EFCAB14: variants seen among roughly 807,000 people sequenced by gnomAD.
The protein encoded by EFCAB14 is EF-hand calcium binding domain 14.
A neutral mutation model predicts 56.5 loss-of-function variants in EFCAB14; 43 were observed. The ratio of observed to expected loss-of-function variants is 0.76; its 90% confidence interval spans 0.60 to 0.98. The LOEUF (loss-of-function observed/expected upper bound fraction) is 0.98. Ranked by LOEUF, EFCAB14 falls within the 50% of genes least tolerant of loss-of-function variation. The pLI is 0.00. For synonymous variants in EFCAB14, 235 were observed against 212.9 expected (o/e 1.10, Z -0.90); for missense variants, 538 against 580.3 (o/e 0.93, Z 0.75).
chr1:46,694,804 A>G (rs944510733), intron 4 of EFCAB14, among the ~76,000 whole-genome samples: 1 of 152,156 alleles, frequency 6.6e-6, no homozygotes, highest in Non-Finnish European at 1.5e-5. Context: ...CACTATTCAC[A>G]ATAGCAAAGA....
intron 3 of EFCAB14, among the ~76,000 whole-genome samples, chr1:46,702,966 A>T (rs1234268047): frequency 2.0e-5 from 3 of 152,198 alleles, no homozygotes; most frequent in African/African-American, 7.2e-5. Flanking sequence ...GTTTTCATTC[A>T]TCTATACTTT....
chr1:46,718,011 G>A lies in EFCAB14; in HGVS notation c.77C>T (p.Pro26Leu). The change falls in exon 1 of 11, where the codon CCA becomes CTA. Residue 26 changes from proline to leucine, a missense_variant. Physicochemically the swap from Pro to Leu is moderately conservative, Grantham distance 98 (BLOSUM62 -3). Transcript: ENST00000371933. The stretch of plus-strand genomic sequence containing the variant: ...AGTGCGAAGCAGGCGGTGACTGCTT[G>A]GGCCTTTCTTGGGCTTCTTTCTCCG... ...DSRRKKPKKG[P>L]SSHRLLRTEP... 1.2e-6 allele frequency: 2 copies of A among 1,614,198 alleles called. No homozygotes were observed. Among genetic ancestry groups the A allele is most frequent in the Non-Finnish European group, 1.7e-6 (2 of 1,180,024 alleles).
intron 2 of EFCAB14, among the ~76,000 whole-genome samples, chr1:46,711,321 C>T (rs1286586761): frequency 1.3e-5 from 2 of 152,252 alleles, no homozygotes; most frequent in African/African-American, 2.4e-5. Flanking sequence ...ATCTGCCATA[C>T]TCAGGTACCC....
intron 2 of EFCAB14, among the ~76,000 whole-genome samples, chr1:46,710,338 C>T (rs532728824): frequency 5.3e-5 from 8 of 152,004 alleles, no homozygotes; most frequent in African/African-American, 1.7e-4. Context: ...TTCTTTGTGT[C>T]GGGAATATTT....
In EFCAB14 at chr1:46,684,510, A is replaced by C. The variant is rs182780830; in HGVS notation, c.1167T>G (p.Pro389=). 1.2e-6 allele frequency: 2 copies of C among 1,614,012 alleles called. No individual in the cohort carries two copies. Among genetic ancestry groups the C allele is most frequent in the Admixed American group, 3.3e-5 (2 of 60,022 alleles). Reference sequence around the variant, plus strand: ...TCTCACCTTCATCGGCGGTCTCTGGAGGCCTGTTGCTCTCAGGTTTGTTTG... The same window carrying C: ...TCTCACCTTCATCGGCGGTCTCTGGCGGCCTGTTGCTCTCAGGTTTGTTTG... ...ALTNKPESNR[P]PETADEEQVE... The change falls in exon 9 of 11, where the codon CCT becomes CCG. Residue 389 remains proline (P), a synonymous_variant. Transcript: ENST00000371933.
At chr1:46,686,192 A>G (rs1455305629) in intron 8 of EFCAB14, among the ~76,000 whole-genome samples, 2 of 152,228 alleles carry the variant, frequency 1.3e-5, no homozygotes, top group Non-Finnish European at 2.9e-5. Context: ...CATATCATAG[A>G]TTGCTGTCTT....
intron 3 of EFCAB14, among the ~76,000 whole-genome samples, chr1:46,698,310 T>A (rs1553122970): frequency 6.6e-6 from 1 of 152,098 alleles, no homozygotes; most frequent in Non-Finnish European, 1.5e-5. Flanking sequence ...AAGATGAATT[T>A]TCAGCCACTC....
intron 4 of EFCAB14, among the ~76,000 whole-genome samples, chr1:46,692,845 T>A (rs1677020505): frequency 6.6e-6 from 1 of 152,230 alleles, no homozygotes. Context: ...TTTTCTTAAT[T>A]TAAATGATTT....
intron 4 of EFCAB14, among the ~76,000 whole-genome samples, chr1:46,694,899 TA>T (rs772842731): frequency 1.4e-4 from 21 of 152,180 alleles, no homozygotes; most frequent in Non-Finnish European, 2.6e-4. Flanking sequence ...TATGCAGCCA[TA>T]AAAAATGATG....
rs759097049 is a variant in EFCAB14, at chr1:46,716,296, T to C, written c.333A>G (p.Thr111=). 2 of 1,602,082 alleles carry C rather than the reference T, an allele frequency of 1.2e-6. No individual in the cohort carries two copies. Among genetic ancestry groups the C allele is most frequent in the East Asian group, 2.2e-5 (1 of 44,654 alleles). ...AAAAGAGAGTAACCACTTACTTACT[T>C]GTTCGAAATTTTTCCTTGAGGGCAT... ...DLDALKEKFR[T]MESNQKSSFQ... Residue 111 remains threonine (T), a splice_region_variant and synonymous_variant, in exon 2 of 11, where the codon ACA becomes ACG. Coordinates refer to ENST00000371933, the MANE Select transcript of EFCAB14 (RefSeq NM_014774.3).
intron 6 of EFCAB14, among the ~76,000 whole-genome samples, chr1:46,689,139 T>C (rs552904018): frequency 9.7e-4 from 148 of 152,270 alleles, no homozygotes; most frequent in African/African-American, 3.1e-3. Context: ...ACTCAAAGTC[T>C]TTTTTCCCCC....
intron 2 of EFCAB14, among the ~76,000 whole-genome samples, chr1:46,714,930 ATGAGATAAACATTTCTGACAGT>A (rs1677364663): frequency 6.6e-6 from 1 of 152,246 alleles, no homozygotes; most frequent in Non-Finnish European, 1.5e-5. Context: ...AAACTCACTC[ATGAGATAAACATTTCTGACAGT>A]TGCACAGTGT....
Position 46,696,533 on chromosome 1 carries a change from C to T in EFCAB14, c.579+18G>A, listed in dbSNP as rs994565467. On this transcript the variant is annotated intron_variant, in intron 4 of 10. Transcript: ENST00000371933. ...GCACCTACCTTCTGAAGTCTCTGTA[C>T]CCACACATGGCACCTACCTTCTGAA... 1.2e-6 allele frequency: 2 copies of T among 1,610,300 alleles called. No homozygotes were observed. The highest frequency in any genetic ancestry group is 2.2e-5 in the East Asian group (1 of 44,810).
At chr1:46,710,803 C>CA (rs1036600401) in intron 2 of EFCAB14, among the ~76,000 whole-genome samples, 1 of 152,178 alleles carries the variant, frequency 6.6e-6, no homozygotes, top group Admixed American at 6.5e-5. Flanking sequence ...CCTTCTGCCT[C>CA]AGCCTCCTTA....
intron 7 of EFCAB14, among the ~76,000 whole-genome samples, chr1:46,687,616 T>C (rs888682197): frequency 6.6e-6 from 1 of 152,222 alleles, no homozygotes; most frequent in Non-Finnish European, 1.5e-5. Context: ...TTTTTAAATA[T>C]ATGCCTGTGT....
chr1:46,715,470 C>T (rs1307454645), intron 2 of EFCAB14, among the ~76,000 whole-genome samples: 1 of 152,160 alleles, frequency 6.6e-6, no homozygotes, highest in African/African-American at 2.4e-5. Flanking sequence ...CAGAGTAGGC[C>T]TTCCACAAAT....
chr1:46,690,444 T>C (rs1386354685), intron 5 of EFCAB14, among the ~76,000 whole-genome samples: 1 of 152,150 alleles, frequency 6.6e-6, no homozygotes, highest in African/African-American at 2.4e-5. Flanking sequence ...ATGCAACTGG[T>C]GAAAATAAGT....
At position 46,701,257 on chromosome 1, in the gene EFCAB14, C is replaced by CT. The variant is rs1677151654; in HGVS notation, c.481-4609dup. ...GCCCTCACGGGGCTTTCTGAGACCA[C>CT]TGTAACATGCCCAATCATAAAATGC... is the stretch of plus-strand genomic sequence containing the variant. On this transcript the variant is annotated intron_variant, in intron 3 of 10. Coordinates refer to ENST00000371933, the MANE Select transcript of EFCAB14 (RefSeq NM_014774.3). Among the ~76,000 whole-genome samples, 3 of 152,308 alleles carry CT rather than the reference C, an allele frequency of 2.0e-5. No individual in the cohort carries two copies. The South Asian group carries it at 6.2e-4, about 32-fold the overall frequency.
At chr1:46,691,706 C>G (rs1229555734) in intron 5 of EFCAB14, 121 bp downstream of exon 5, 2 of 629,970 alleles carry the variant, frequency 3.2e-6, no homozygotes, top group Non-Finnish European at 5.6e-6. Context: ...ATGTATACTG[C>G]TTATTAGATC....
Sources: allele counts gnomAD v4.1 joint callset (sites outside exome capture counted in the v4.1 genomes callset), GRCh38; gene constraint gnomAD v4.1.1; transcripts MANE v1.5; gene names NCBI Gene and HGNC (gene_info 2026-07-23, HGNC 2026-07-21).